SLC6A4: variants seen among roughly 807,000 people sequenced by gnomAD.
The protein encoded by SLC6A4 is solute carrier family 6 member 4.
Under a neutral mutation model 73.4 loss-of-function variants are expected in SLC6A4, and 22 were observed. That is an observed-to-expected ratio of 0.30 (90% CI 0.21 to 0.43). SLC6A4 has a LOEUF of 0.43. SLC6A4 is among the 20% of genes least tolerant of loss of function. The pLI, the probability that SLC6A4 is intolerant of heterozygous loss-of-function variation, is 1.00. For missense variants in SLC6A4, 593 were observed against 808.5 expected, an observed-to-expected ratio of 0.73 and a Z score of 3.23; for synonymous variants, 270 against 315.5, an observed-to-expected ratio of 0.86 and a Z score of 1.53.
At chr17:30,226,190 T>C (rs1171714089) in intron 1 of SLC6A4, among the ~76,000 whole-genome samples, 3 of 152,166 alleles carry the variant, frequency 2.0e-5, no homozygotes, top group Non-Finnish European at 2.9e-5. Flanking sequence ...GGTTTAACGT[T>C]GAGATAGGAT....
Position 30,197,280 on chromosome 17 carries a change from G to T in SLC6A4, c.*1176C>A, listed in dbSNP as rs1905892772. 6.6e-6 allele frequency: 1 copy of T among 152,358 alleles called. No homozygotes were observed. The highest frequency in any genetic ancestry group is 1.5e-5 in the Non-Finnish European group (1 of 68,056). The allele number at this position is 152,358 out of a possible 1,614,324, so 9.4% of individuals were successfully genotyped here. A position where few individuals can be genotyped will look rare whatever the true frequency, so the allele number is the denominator to read the frequency against. On this transcript the variant is annotated 3_prime_UTR_variant, in exon 15 of 15. Coordinates refer to ENST00000650711, the MANE Select transcript of SLC6A4 (RefSeq NM_001045.6). ...AATTATCTGGAGGGCTCACAATCGTGACCGCCAGCGAGCGGCGAGGTCCAC... is the reference window on the plus strand; with the variant it reads ...AATTATCTGGAGGGCTCACAATCGTTACCGCCAGCGAGCGGCGAGGTCCAC...
intron 1 of SLC6A4, among the ~76,000 whole-genome samples, chr17:30,229,236 G>A (rs1039760552): frequency 6.6e-6 from 1 of 152,216 alleles, no homozygotes; most frequent in Admixed American, 6.5e-5. Flanking sequence ...GTACTGGCAG[G>A]CACACCCATC....
In SLC6A4 at chr17:30,215,394, C is replaced by T. The variant is rs549785563; in HGVS notation, c.1076+217G>A. 7.0e-4 allele frequency among the ~76,000 whole-genome samples: 106 copies of T among 152,104 alleles called. 1 individual carries two copies. Among genetic ancestry groups the T allele is most frequent in the Middle Eastern group, 6.8e-3 (2 of 294 alleles). The stretch of plus-strand genomic sequence containing the variant: ...CTGACAAAACCGAAGGGCATGGGGC[C>T]CCTCTCAGCCTGAGTGGCCCAGGTG... On this transcript the variant is annotated intron_variant, in intron 8 of 14. Transcript: ENST00000650711.
At chr17:30,216,843 T>G (rs9916159) in intron 6 of SLC6A4, among the ~76,000 whole-genome samples, 1,621 of 148,490 alleles carry the variant, frequency 0.011, 31 homozygotes, top group African/African-American at 0.037. Flanking sequence ...TATTGTTTTT[T>G]TTTGTTTGTT....
Position 30,203,232 on chromosome 17 carries a change from G to C in SLC6A4, c.1758C>G (p.Phe586Leu). ...AAGCTATATATGTGGGGATGCAAAT[G>C]AAAGATGAGGTTCCTATGCAGTAAC... is the stretch of plus-strand genomic sequence containing the variant. ...ILGYCIGTSSFICIPTYIAYR... is the reference protein window; with the variant it reads ...ILGYCIGTSSLICIPTYIAYR... The change falls in exon 14 of 15, where the codon TTC (phenylalanine) becomes TTG (leucine). Residue 586 changes from phenylalanine to leucine, a missense_variant. Transcript: ENST00000650711. 1 of 1,613,860 alleles carries C rather than the reference G, an allele frequency of 6.2e-7. No homozygotes were observed. Among genetic ancestry groups the C allele is most frequent in the Non-Finnish European group, 8.5e-7 (1 of 1,179,726 alleles).
In SLC6A4 at chr17:30,196,893, C is replaced by G. The variant is rs1463383113; in HGVS notation, c.*1563G>C. ...AATGCAGGAAGTGGGCCAGGGTAGA[C>G]AATGCTGGGGAAAGGAGGCCAAGGG... On this transcript the variant is annotated 3_prime_UTR_variant, in exon 15 of 15. Coordinates refer to ENST00000650711, the MANE Select transcript of SLC6A4 (RefSeq NM_001045.6). The G allele has an allele frequency of 6.6e-6, 1 of 152,248 alleles. No homozygotes were observed. The highest frequency in any genetic ancestry group is 2.1e-4 in the South Asian group (1 of 4,820). The allele number at this position is 152,248 out of a possible 1,614,324, so 9.4% of individuals were successfully genotyped here.
Position 30,198,433 on chromosome 17 carries a change from C to A in SLC6A4, c.*23G>T. On this transcript the variant is annotated 3_prime_UTR_variant, in exon 15 of 15. Transcript: ENST00000650711. The stretch of plus-strand genomic sequence containing the variant: ...ACTGGAGGAGGAGGTTGTGGAGAAG[C>A]CTTTTTCCTCTCGGTGAGTGTGTTA... The A allele has an allele frequency of 6.9e-7, 1 of 1,454,878 alleles. No homozygotes were observed. The highest frequency in any genetic ancestry group is 1.2e-5 in the South Asian group (1 of 85,434). The allele number at this position is 1,454,878 out of a possible 1,614,324, so 90.1% of individuals were successfully genotyped here. A position where few individuals can be genotyped will look rare whatever the true frequency, so the allele number is the denominator to read the frequency against.
intron 14 of SLC6A4, 139 bp from the exon 15 acceptor site, chr17:30,198,669 A>T (rs1388933990): frequency 5.5e-6 from 3 of 545,686 alleles, no homozygotes; most frequent in African/African-American, 3.9e-5. Flanking sequence ...TCTCACTGAC[A>T]TTCCTTAGGA....
rs200977199 is a variant in SLC6A4, at chr17:30,216,107, T to C, written c.947A>G (p.Asn316Ser). 16 of 1,611,710 alleles carry C rather than the reference T, an allele frequency of 9.9e-6. No homozygotes were observed. Among genetic ancestry groups the C allele is most frequent in the East Asian group, 6.7e-5 (3 of 44,720 alleles). The change falls in exon 7 of 15, where the codon AAT becomes AGT. Residue 316 changes from asparagine (N) to serine (S), a missense_variant. Coordinates refer to ENST00000650711, the MANE Select transcript of SLC6A4 (RefSeq NM_001045.6). ...CCCTGTCTCCAGGAGTTTCTGCCAA[T>C]TGGGTTTCAAGTAGAAGAGAACACC... ...WRGVLFYLKP[N>S]WQKLLETGVW...
chr17:30,200,375 T>C (rs1905995231), intron 14 of SLC6A4, among the ~76,000 whole-genome samples: 1 of 152,248 alleles, frequency 6.6e-6, no homozygotes, highest in Non-Finnish European at 1.5e-5. Flanking sequence ...TTCCTCTTCA[T>C]ATCTTCATAA....
At position 30,196,437 on chromosome 17, in the gene SLC6A4, G is replaced by A. The variant is rs199876421; in HGVS notation, c.*2019C>T. 14 of 152,180 alleles carry A rather than the reference G, an allele frequency of 9.2e-5. No homozygotes were observed. The highest frequency in any genetic ancestry group is 1.9e-4 in the East Asian group (1 of 5,318). The allele number at this position is 152,180 out of a possible 1,614,324, so 9.4% of individuals were successfully genotyped here. On this transcript the variant is annotated 3_prime_UTR_variant, in exon 15 of 15. Transcript: ENST00000650711. ...TACAATTCCATTAATACCAGACTTG[G>A]CAAAACGCTAATTCTGTTTGAAAAG...
At chr17:30,215,505 T>G in intron 8 of SLC6A4, 106 bp downstream of exon 8, 1 of 920,064 alleles carries the variant, frequency 1.1e-6, no homozygotes. Context: ...TATCAAGGCC[T>G]AAGCCTGGCC....
chr17:30,216,094 G>A lies in SLC6A4; in HGVS notation c.960C>T (p.Leu320=), dbSNP rs201481094. Residue 320 remains leucine (L), a synonymous_variant, in exon 7 of 15, where the codon CTC becomes CTT. Transcript: ENST00000650711. The part of the protein sequence containing the change: ...LFYLKPNWQK[L]LETGVWIDAA... ...CTCATCATCTTACCCCTGTCTCCAG[G>A]AGTTTCTGCCAATTGGGTTTCAAGT... The A allele has an allele frequency of 5.0e-5, 80 of 1,613,476 alleles. No individual in the cohort carries two copies. The Admixed American group carries it at 1.2e-3, about 24-fold the overall frequency.
At chr17:30,210,674 T>A in intron 10 of SLC6A4, 28 bp from the exon 11 acceptor site, 1 of 1,598,944 alleles carries the variant, frequency 6.3e-7, no homozygotes, top group East Asian at 2.2e-5. Flanking sequence ...GCAGTCACGG[T>A]GGAGGCTTTG....
At chr17:30,217,034 G>A (rs1184817461) in intron 6 of SLC6A4, 132 bp downstream of exon 6, 19 of 788,226 alleles carry the variant, frequency 2.4e-5, no homozygotes, top group Non-Finnish European at 3.7e-5. Flanking sequence ...GCGGTGAAGA[G>A]AGAGAGGGTG....
At chr17:30,222,475 A>T (rs1906796494) in intron 2 of SLC6A4, among the ~76,000 whole-genome samples, 1 of 152,208 alleles carries the variant, frequency 6.6e-6, no homozygotes, top group Admixed American at 6.5e-5. Flanking sequence ...TTTGTCTTGG[A>T]TGCTATGTTG....
rs56165511 is a variant in SLC6A4 at position 30,217,390 on chromosome 17, G to A, written c.699-86C>T. The A allele has an allele frequency of 3.9e-3, 5,261 of 1,342,272 alleles. 7 individuals are homozygous for A. Among genetic ancestry groups the A allele is most frequent in the Non-Finnish European group, 4.8e-3 (4,660 of 974,568 alleles). The allele number at this position is 1,342,272 out of a possible 1,614,324, so 83.1% of individuals were successfully genotyped here. On this transcript the variant is annotated intron_variant, in intron 5 of 14. Transcript: ENST00000650711. The stretch of plus-strand genomic sequence containing the variant: ...CTGTGCTGCTCCTTTGAGGGTGCCC[G>A]GGACAAATGGACACGGTGCTGCTAG...
intron 12 of SLC6A4, 86 bp from the exon 13 acceptor site, chr17:30,207,918 AG>A: frequency 4.1e-6 from 4 of 967,280 alleles, no homozygotes; most frequent in African/African-American, 1.6e-5. Flanking sequence ...GGAGAGTCAG[AG>A]TCACAGGATC....
chr17:30,219,027 TGA>T, intron 3 of SLC6A4, 96 bp from the exon 4 acceptor site: 1 of 1,499,210 alleles, frequency 6.7e-7, no homozygotes, highest in Non-Finnish European at 9.2e-7. Context: ...CCGGATGATG[TGA>T]GTGTCAGGAG....
Sources: allele counts gnomAD v4.1 joint callset (sites outside exome capture counted in the v4.1 genomes callset), GRCh38; gene constraint gnomAD v4.1.1; transcripts MANE v1.5; gene names NCBI Gene and HGNC (gene_info 2026-07-23, HGNC 2026-07-21).